SLC41A1: variants seen among roughly 807,000 people sequenced by gnomAD.
SLC41A1 encodes the protein solute carrier family 41 member 1.
SLC41A1 carries 20 observed loss-of-function variants against 47.3 expected under a neutral mutation model. The observed-to-expected ratio is 0.42, with a 90% CI of 0.30 to 0.61. The LOEUF (loss-of-function observed/expected upper bound fraction) is 0.61, where lower values mean the gene tolerates loss of function less well. SLC41A1 is among the 20% of genes least tolerant of loss of function. SLC41A1 has a pLI of 0.17. For missense variants in SLC41A1, 504 were observed against 674.1 expected (o/e 0.75, Z 2.79); for synonymous variants, 282 against 272.7 (o/e 1.03, Z -0.34).
At chr1:205,799,146 C>A (rs201496030) in intron 4 of SLC41A1, 45 bp from the exon 5 acceptor site, 218 of 1,610,148 alleles carry the variant, frequency 1.4e-4, no homozygotes, top group Non-Finnish European at 1.7e-4. Flanking sequence ...GAGCAGTGGG[C>A]TTCCTAAGCT....
chr1:205,811,218 CT>C, intron 1 of SLC41A1, 131 bp from the exon 2 acceptor site: 1 of 152,588 alleles, frequency 6.6e-6, no homozygotes, highest in Non-Finnish European at 1.5e-5. Context: ...ATTTGCCTCC[CT>C]TTTTCCGCAA....
intron 2 of SLC41A1, among the ~76,000 whole-genome samples, chr1:205,804,934 C>G (rs1002931741): frequency 2.0e-5 from 3 of 152,208 alleles, no homozygotes; most frequent in African/African-American, 7.2e-5. Flanking sequence ...ATATTGCTTG[C>G]TTTTATTATT....
intron 2 of SLC41A1, among the ~76,000 whole-genome samples, chr1:205,807,633 T>G (rs1413169561): frequency 1.4e-5 from 2 of 146,446 alleles, no homozygotes; most frequent in African/African-American, 5.0e-5. Context: ...ACAAAGAAAA[T>G]AGGCTCCTCG....
At position 205,797,031 on chromosome 1, in the gene SLC41A1, CA is replaced by C. The variant is rs5780304; in HGVS notation, c.993-29del. 0.87 allele frequency: 1,385,924 copies of C among 1,596,784 alleles called. 606,325 individuals carry two copies. The highest frequency in any genetic ancestry group is 0.9 in the Non-Finnish European group (1,050,652 of 1,168,358). On this transcript the variant is annotated intron_variant, in intron 7 of 10. Coordinates refer to ENST00000367137, the MANE Select transcript of SLC41A1 (RefSeq NM_173854.6). ...ATAGAGACATAAAGACAAAATGACG[CA>C]AAGACCACTGAAGGGTTCTGCCTTA...
In SLC41A1 at chr1:205,799,003, G is replaced by T; in HGVS notation, c.651C>A (p.Leu217=). The change falls in exon 5 of 11, where the codon CTC becomes CTA. Residue 217 remains leucine (L), a synonymous_variant. Transcript: ENST00000367137. ...GHFSIPHAFL[L]CASSVATAFI... Reference sequence around the variant, plus strand: ...AGGCTGTGGCCACGCTGCTAGCACAGAGCAGGAAGGCGTGCGGAATACTGA... The same window carrying T: ...AGGCTGTGGCCACGCTGCTAGCACATAGCAGGAAGGCGTGCGGAATACTGA... The T allele has an allele frequency of 6.2e-7, 1 of 1,614,088 alleles. No individual in the cohort carries two copies.
chr1:205,798,761 T>C lies in SLC41A1; in HGVS notation c.752A>G (p.Asp251Gly), dbSNP rs1272758564. 1 of 1,614,054 alleles carries C rather than the reference T, an allele frequency of 6.2e-7. No homozygotes were observed. The highest frequency in any genetic ancestry group is 1.3e-5 in the African/African-American group (1 of 74,992). The change falls in exon 6 of 11, where the codon GAC becomes GGC. Residue 251 changes from aspartate (D) to glycine (G), a missense_variant. Asp to Gly is a moderately conservative substitution (Grantham distance 94). This residue lies in a region of SLC41A1 where 421 missense variants were observed against 601.6 expected (regional missense o/e 0.70). Transcript: ENST00000367137. The stretch of plus-strand genomic sequence containing the variant: ...GGCAGCAATGGGTGTGGCCACGTTG[T>C]CTGGGTTGATCCCAATCTTGCGAGA... The part of the protein sequence containing the change: ...IGSRKIGINP[D>G]NVATPIAASL...
In SLC41A1 at chr1:205,798,975, T is replaced by C. The variant is rs527338610; in HGVS notation, c.679A>G (p.Ile227Val). The C allele has an allele frequency of 7.4e-6, 12 of 1,614,000 alleles. No homozygotes were observed. The highest frequency in any genetic ancestry group is 6.6e-5 in the South Asian group (6 of 91,082). ...TTCTTACCCAGTACCAGGGAGGCAATGAAGGCTGTGGCCACGCTGCTAGCA... is the reference window on the plus strand; with the variant it reads ...TTCTTACCCAGTACCAGGGAGGCAACGAAGGCTGTGGCCACGCTGCTAGCA... ...LCASSVATAFIASLVLGMIMI... is the reference protein window; with the variant it reads ...LCASSVATAFVASLVLGMIMI... The change falls in exon 5 of 11, where the codon ATT becomes GTT. Residue 227 changes from isoleucine to valine, a missense_variant. Physicochemically the swap from Ile to Val is conservative, Grantham distance 29. Around this residue, in one of 2 missense-constraint regions of SLC41A1, gnomAD observed 421 missense variants for 601.6 expected, o/e 0.70. Coordinates refer to ENST00000367137, the MANE Select transcript of SLC41A1 (RefSeq NM_173854.6).
At chr1:205,812,210 G>A (rs1298862386) in intron 1 of SLC41A1, among the ~76,000 whole-genome samples, 2 of 152,192 alleles carry the variant, frequency 1.3e-5, no homozygotes, top group Non-Finnish European at 1.5e-5. Context: ...CACCAGGTAA[G>A]AGGAACAGGT....
intron 8 of SLC41A1, 121 bp from the exon 9 acceptor site, chr1:205,795,599 G>T: frequency 7.9e-7 from 1 of 1,263,816 alleles, no homozygotes; most frequent in Non-Finnish European, 1.1e-6. Flanking sequence ...TTAATTTAGG[G>T]TCTATGTGGG....
In SLC41A1 at chr1:205,791,550, T is replaced by A; in HGVS notation, c.1525A>T (p.Thr509Ser). ...HVLWLIGDRD[T>S]DVGD is the part of the protein sequence containing the mutation. ...TGACCAAGCTAGTCCCCGACATCCG[T>A]GTCTCGGTCCCCTATGAGCCAGAGA... The change falls in exon 11 of 11, where the codon ACG becomes TCG. Residue 509 changes from threonine (T) to serine (S), a missense_variant. Thr to Ser is a moderately conservative substitution (Grantham distance 58, BLOSUM62 1). Around this residue, in one of 2 missense-constraint regions of SLC41A1, gnomAD observed 421 missense variants for 601.6 expected, o/e 0.70. Transcript: ENST00000367137. The surrounding 1 kb of genome is among the most constrained non-coding windows in gnomAD (Gnocchi z 4.0). 6.2e-7 allele frequency: 1 copy of A among 1,614,080 alleles called. No individual in the cohort carries two copies. The highest frequency in any genetic ancestry group is 8.5e-7 in the Non-Finnish European group (1 of 1,180,016).
At chr1:205,798,462 C>A (rs1029814354) in intron 6 of SLC41A1, among the ~76,000 whole-genome samples, 6 of 152,238 alleles carry the variant, frequency 3.9e-5, no homozygotes, top group Admixed American at 2.0e-4. Context: ...CAGGAATATA[C>A]TTCTGATACT....
At chr1:205,812,136 T>C (rs1483042672) in intron 1 of SLC41A1, among the ~76,000 whole-genome samples, 4 of 152,176 alleles carry the variant, frequency 2.6e-5, no homozygotes, top group Non-Finnish European at 4.4e-5. Context: ...CCTGATGGAC[T>C]CCCATCCTAT....
intron 2 of SLC41A1, chr1:205,801,370 C>G (rs891599261): frequency 2.1e-5 from 8 of 379,686 alleles, no homozygotes; most frequent in Non-Finnish European, 3.6e-5. Context: ...GGGACCCACA[C>G]AGCTGAGCTG....
intron 1 of SLC41A1, among the ~76,000 whole-genome samples, chr1:205,811,809 G>A (rs997950105): frequency 2.0e-5 from 3 of 152,104 alleles, no homozygotes; most frequent in Non-Finnish European, 4.4e-5. Flanking sequence ...GTCTCTCCCC[G>A]TCTCCCCCTG....
chr1:205,802,637 G>A (rs1655911897), intron 2 of SLC41A1, among the ~76,000 whole-genome samples: 1 of 151,730 alleles, frequency 6.6e-6, no homozygotes, highest in Non-Finnish European at 1.5e-5. Context: ...AGAATCGCTT[G>A]AACCCAAGAG....
At chr1:205,792,306 C>T (rs1262089550) in intron 10 of SLC41A1, among the ~76,000 whole-genome samples, 1 of 152,160 alleles carries the variant, frequency 6.6e-6, no homozygotes, top group South Asian at 2.1e-4. Context: ...CATTCTTTTC[C>T]ATTGTTTGGG....
At chr1:205,795,807 C>T in intron 8 of SLC41A1, 5 of 424,706 alleles carry the variant, frequency 1.2e-5, no homozygotes, top group South Asian at 1.1e-4. Context: ...CCTGACTTCT[C>T]CACCAGTAGA....
intron 2 of SLC41A1, among the ~76,000 whole-genome samples, chr1:205,809,702 C>G (rs531075924): frequency 2.6e-4 from 40 of 152,208 alleles, no homozygotes; most frequent in African/African-American, 9.2e-4. Flanking sequence ...ATGCAGGGGA[C>G]AAAAGGCATA....
At chr1:205,800,293 G>C (rs993264826) in intron 3 of SLC41A1, among the ~76,000 whole-genome samples, 18 of 152,204 alleles carry the variant, frequency 1.2e-4, no homozygotes, top group African/African-American at 4.1e-4. Context: ...GGCAAGTCAG[G>C]GTGGGTTAAC....
Sources: gnomAD v4.1 joint callset for allele counts (sites outside exome capture counted in the v4.1 genomes callset) on GRCh38, gnomAD v4.1.1 for gene constraint, gnomAD v4.1.1 regional missense constraint, Gnocchi (gnomAD v3.1) non-coding constraint, MANE v1.5 for transcripts, NCBI Gene and HGNC (gene_info 2026-07-23, HGNC 2026-07-21) for gene names.